Variants in STAB2 observed in about 807,000 individuals in gnomAD.
STAB2 encodes stabilin 2, also known as stabilin-2.
In STAB2, 288 loss-of-function variants were observed where a neutral mutation model predicts 338.1. That is an observed-to-expected ratio of 0.85 (90% CI 0.77 to 0.94). STAB2 has a LOEUF of 0.94. STAB2 is among the 40% of genes least tolerant of loss of function. The pLI is 0.00. For synonymous variants in STAB2, 1,202 were observed against 1,193.3 expected (o/e 1.01, Z -0.15); for missense variants, 3,141 against 3,210.1 (o/e 0.98, Z 0.52).
intron 25 of STAB2, among the ~76,000 whole-genome samples, chr12:103,678,083 C>T (rs991425952): frequency 7.2e-5 from 11 of 152,152 alleles, no homozygotes; most frequent in Non-Finnish European, 1.5e-4. Flanking sequence ...AGGCTCCCTT[C>T]CCCCATCCAT....
chr12:103,653,131 A>G (rs923720276), intron 12 of STAB2, among the ~76,000 whole-genome samples: 3 of 151,894 alleles, frequency 2.0e-5, no homozygotes, highest in African/African-American at 7.3e-5. Flanking sequence ...CCTCTCTCCC[A>G]ATGCCATTAG....
At chr12:103,640,630 A>G (rs80102971) in intron 9 of STAB2, among the ~76,000 whole-genome samples, 3,174 of 152,304 alleles carry the variant, frequency 0.021, 101 homozygotes, top group African/African-American at 0.069. Flanking sequence ...ATTGCTTGTT[A>G]GAGGTGCAAA....
At chr12:103,724,037 A>G (rs1007125609) in intron 44 of STAB2, among the ~76,000 whole-genome samples, 8 of 152,300 alleles carry the variant, frequency 5.3e-5, no homozygotes, top group Admixed American at 3.9e-4. Context: ...GGGTATTGAC[A>G]CTGCCACGGA....
intron 3 of STAB2, among the ~76,000 whole-genome samples, chr12:103,605,387 T>A (rs1456606593): frequency 1.3e-5 from 2 of 151,198 alleles, no homozygotes; most frequent in East Asian, 1.9e-4. Context: ...ATAGGTGTAT[T>A]CTGCCACCTT....
At chr12:103,595,374 A>C (rs974486915) in intron 3 of STAB2, among the ~76,000 whole-genome samples, 18 of 152,172 alleles carry the variant, frequency 1.2e-4, no homozygotes, top group African/African-American at 4.3e-4. Flanking sequence ...AAAGTAATAC[A>C]AGCAAATTAT....
chr12:103,633,596 C>A (rs969311982), intron 6 of STAB2, among the ~76,000 whole-genome samples: 1 of 152,176 alleles, frequency 6.6e-6, no homozygotes, highest in South Asian at 2.1e-4. Context: ...CCGGGAGAAT[C>A]GCTCGAACCC....
chr12:103,704,043 C>T (rs1235575489), intron 35 of STAB2, among the ~76,000 whole-genome samples: 1 of 152,210 alleles, frequency 6.6e-6, no homozygotes, highest in East Asian at 1.9e-4. Flanking sequence ...CCACATTATC[C>T]TGTCTGGTAG....
In STAB2 at chr12:103,690,095, A is replaced by G. The variant is rs183410021; in HGVS notation, c.3182+113A>G. 4.2e-6 allele frequency: 6 copies of G among 1,421,582 alleles called. No homozygotes were observed. In the Admixed American group the frequency reaches 1.1e-4, roughly 27 times the overall value. 88.1% of individuals were successfully genotyped at this position (1,421,582 alleles called of 1,614,324 possible). A position where few individuals can be genotyped will look rare whatever the true frequency, so the allele number is the denominator to read the frequency against. ...GTCCTTCAAATTCGTGGAGCTGAACATGTTCTAGGATTCTCCTTTCCTCCC... is the reference window on the plus strand; with the variant it reads ...GTCCTTCAAATTCGTGGAGCTGAACGTGTTCTAGGATTCTCCTTTCCTCCC... On this transcript the variant is annotated intron_variant, in intron 29 of 68. Coordinates refer to ENST00000388887, the MANE Select transcript of STAB2 (RefSeq NM_017564.10).
At chr12:103,677,119 A>C (rs1593221560) in intron 24 of STAB2, among the ~76,000 whole-genome samples, 1 of 152,276 alleles carries the variant, frequency 6.6e-6, no homozygotes, top group East Asian at 1.9e-4. Context: ...TAGCTGCATG[A>C]CCTTGGGCAA....
chr12:103,726,000 G>A, intron 45 of STAB2, 116 bp from the exon 46 acceptor site: 3 of 1,055,784 alleles, frequency 2.8e-6, no homozygotes, highest in Non-Finnish European at 4.3e-6. Flanking sequence ...CTCCAAAAAG[G>A]CCCGGTGTTA....
chr12:103,611,119 A>G (rs1565959467), intron 3 of STAB2, among the ~76,000 whole-genome samples: 2 of 152,212 alleles, frequency 1.3e-5, no homozygotes, highest in African/African-American at 2.4e-5. Context: ...TATGTGGTCA[A>G]TTTTGGAATA....
At chr12:103,748,880 T>C (rs1883321482) in intron 58 of STAB2, 83 bp from the exon 59 acceptor site, 2 of 1,410,194 alleles carry the variant, frequency 1.4e-6, no homozygotes, top group East Asian at 2.4e-5. Flanking sequence ...ACACCACTAG[T>C]GCTGTGGTGC....
rs1181515663 is a variant in STAB2 at position 103,654,645 on chromosome 12, A to G, written c.1498A>G (p.Ile500Val). 9.9e-6 allele frequency: 16 copies of G among 1,614,120 alleles called. No homozygotes were observed. Among genetic ancestry groups the G allele is most frequent in the Non-Finnish European group, 1.4e-5 (16 of 1,180,022 alleles). The change falls in exon 13 of 69, where the codon ATC becomes GTC. Residue 500 changes from isoleucine to valine, a missense_variant. Physicochemically the swap from Ile to Val is conservative, Grantham distance 29. Transcript: ENST00000388887. Reference protein sequence around the residue: ...DIIASNGLLHILDRAMDKLEP... With the variant: ...DIIASNGLLHVLDRAMDKLEP... The stretch of plus-strand genomic sequence containing the variant: ...CATTGCTTCCAATGGGCTTCTGCAC[A>G]TCCTTGACAGAGCCATGGACAAGTT...
At chr12:103,766,173 C>G (rs778863265) in intron 68 of STAB2, 113 bp from the exon 69 acceptor site, 1 of 1,372,070 alleles carries the variant, frequency 7.3e-7, no homozygotes, top group Admixed American at 1.7e-5. Context: ...CCAGCACATA[C>G]GTGTTCACAG....
At chr12:103,727,204 T>C (rs1881274709) in intron 46 of STAB2, 63 bp from the exon 47 acceptor site, 2 of 1,578,378 alleles carry the variant, frequency 1.3e-6, no homozygotes, top group Non-Finnish European at 1.7e-6. Context: ...TGGTATTAGT[T>C]TGAGCCCCGG....
chr12:103,587,640 G>T (rs34792231), intron 1 of STAB2, 83 bp downstream of exon 1: 59 of 1,126,496 alleles, frequency 5.2e-5, no homozygotes, highest in Non-Finnish European at 7.2e-5. Flanking sequence ...TGTTGTTATG[G>T]GTAAAGGGTG....
At chr12:103,715,043 C>T (rs900616720) in intron 42 of STAB2, among the ~76,000 whole-genome samples, 9 of 152,136 alleles carry the variant, frequency 5.9e-5, no homozygotes, top group Non-Finnish European at 1.0e-4. Flanking sequence ...TGGGAGAGTT[C>T]CTCAGCTTTG....
chr12:103,713,616 C>T (rs1296581589), intron 41 of STAB2, 27 bp from the exon 42 acceptor site: 2 of 1,611,746 alleles, frequency 1.2e-6, no homozygotes, highest in Non-Finnish European at 1.7e-6. Context: ...TTCCCTCTCC[C>T]CTTCTGCTCT....
chr12:103,713,394 C>T (rs778447142), intron 41 of STAB2, among the ~76,000 whole-genome samples: 5 of 152,188 alleles, frequency 3.3e-5, no homozygotes, highest in Non-Finnish European at 5.9e-5. Flanking sequence ...CCCAGAGGGC[C>T]AAGTAGACTC....
Sources: gnomAD v4.1 joint callset for allele counts (sites outside exome capture counted in the v4.1 genomes callset) on GRCh38, gnomAD v4.1.1 for gene constraint, MANE v1.5 for transcripts, NCBI Gene and HGNC (gene_info 2026-07-23, HGNC 2026-07-21) for gene names.